ZNF30: variants seen among roughly 807,000 people sequenced by gnomAD.
The protein encoded by ZNF30 is zinc finger protein 30 (KOX 28).
Under a neutral mutation model 13.2 loss-of-function variants are expected in ZNF30, and 15 were observed. The ratio of observed to expected loss-of-function variants is 1.13; its 90% CI spans 0.76 to 1.75. ZNF30 has a LOEUF of 1.75. Among genes scored for constraint, ZNF30 ranks in the 40% most tolerant of loss-of-function variants. The pLI, the probability that ZNF30 is intolerant of heterozygous loss-of-function variation, is 0.00. For synonymous variants in ZNF30, 223 were observed against 256.6 expected (o/e 0.87, Z 1.25); for missense variants, 726 against 757.0 (o/e 0.96, Z 0.48).
intron 2 of ZNF30, 132 bp downstream of exon 2, chr19:34,930,088 G>A: frequency 1.1e-6 from 1 of 898,844 alleles, no homozygotes; most frequent in Non-Finnish European, 1.7e-6. Flanking sequence ...TTGGCGGAAT[G>A]ATGTCAAAGT....
At chr19:34,931,792 G>A (rs371707385) in intron 2 of ZNF30, 51 bp from the exon 3 acceptor site, 38 of 1,576,246 alleles carry the variant, frequency 2.4e-5, no homozygotes, top group East Asian at 6.8e-5. Context: ...ACACTGAAAC[G>A]TTTTATTCCC....
intron 4 of ZNF30, chr19:34,942,701 T>C (rs1460876676): frequency 5.0e-6 from 6 of 1,192,460 alleles, no homozygotes; most frequent in Non-Finnish European, 6.7e-6. Context: ...AACGTCAAGG[T>C]GCTAAAAGGG....
At chr19:34,935,496 A>C (rs2012681782) in intron 4 of ZNF30, among the ~76,000 whole-genome samples, 1 of 151,940 alleles carries the variant, frequency 6.6e-6, no homozygotes, top group African/African-American at 2.4e-5. Context: ...TGCTCTTCTC[A>C]AGTCAGCCTG....
At position 34,943,397 on chromosome 19, in the gene ZNF30, G is replaced by C. The variant is rs1158699469; in HGVS notation, c.431G>C (p.Ser144Thr). 1.2e-6 allele frequency: 2 copies of C among 1,613,862 alleles called. No individual in the cohort carries two copies. The highest frequency in any genetic ancestry group is 2.7e-5 in the African/African-American group (2 of 74,922). The change falls in exon 5 of 5, where the codon AGT (serine) becomes ACT (threonine). Residue 144 changes from serine to threonine, a missense_variant. Coordinates refer to ENST00000601142, the MANE Select transcript of ZNF30 (RefSeq NM_194325.3). ...GTTCAACATGAAAGAATACATAGTA[G>C]TGAAAAACCCAACAGATGTAAAGAA... ...KPVQHERIHS[S>T]EKPNRCKECG...
intron 2 of ZNF30, among the ~76,000 whole-genome samples, chr19:34,931,425 A>G (rs1328351776): frequency 6.6e-6 from 1 of 152,310 alleles, no homozygotes; most frequent in East Asian, 1.9e-4. Context: ...GAGTTATTCA[A>G]CAAATTTGTG....
At chr19:34,934,956 G>A (rs1273985470) in intron 4 of ZNF30, among the ~76,000 whole-genome samples, 2 of 152,112 alleles carry the variant, frequency 1.3e-5, no homozygotes, top group Admixed American at 1.3e-4. Context: ...CAGGCCGGGC[G>A]CGGTGGCTCA....
intron 4 of ZNF30, 47 bp from the exon 5 acceptor site, chr19:34,943,176 T>G: frequency 7.3e-7 from 1 of 1,361,826 alleles, no homozygotes; most frequent in South Asian, 1.8e-5. Context: ...TTCCCTAGAA[T>G]TTTTTTTCAA....
Position 34,943,645 on chromosome 19 carries a change from A to T in ZNF30, c.679A>T (p.Thr227Ser), listed in dbSNP as rs1406335668. 1 of 1,613,786 alleles carries T rather than the reference A, an allele frequency of 6.2e-7. No homozygotes were observed. The highest frequency in any genetic ancestry group is 1.1e-5 in the South Asian group (1 of 91,022). The change falls in exon 5 of 5, where the codon ACT (threonine) becomes TCT (serine). Residue 227 changes from threonine (T) to serine (S), a missense_variant. Transcript: ENST00000601142. ...ACTTACAGTACATAAGAGTATTCAT[A>T]CTGGGAAGAAACCATATGAGTGCGG... is the stretch of plus-strand genomic sequence containing the variant. ...YQLTVHKSIH[T>S]GKKPYECGEC...
At chr19:34,931,039 C>CTTTTTTTTTTTTTTTTTT (rs56153327) in intron 2 of ZNF30, among the ~76,000 whole-genome samples, 1 of 122,526 alleles carries the variant, frequency 8.2e-6, no homozygotes, top group Admixed American at 8.5e-5. Context: ...TTCTTTTTTT[C>CTTTTTTTTTTTTTTTTTT]TTTTTTTTTT....
intron 4 of ZNF30, among the ~76,000 whole-genome samples, chr19:34,942,949 C>A (rs565502412): frequency 6.6e-6 from 1 of 152,158 alleles, no homozygotes; most frequent in South Asian, 2.1e-4. Context: ...TTCAGAGGGG[C>A]GGGATGCTGC....
At chr19:34,925,583 G>C (rs545699729), upstream of ZNF30, among the ~76,000 whole-genome samples, 1 of 152,222 alleles carries the variant, frequency 6.6e-6, no homozygotes, top group East Asian at 1.9e-4. Context: ...TATTTATAGG[G>C]ACAGGATGGG....
chr19:34,939,306 G>A (rs1009181360), intron 4 of ZNF30, among the ~76,000 whole-genome samples: 2 of 151,680 alleles, frequency 1.3e-5, no homozygotes, highest in East Asian at 1.9e-4. Context: ...CTTAGCCTCC[G>A]GAGTAGCTGG....
chr19:34,930,441 A>T (rs778689652), intron 2 of ZNF30, among the ~76,000 whole-genome samples: 3 of 152,190 alleles, frequency 2.0e-5, no homozygotes, highest in African/African-American at 4.8e-5. Context: ...CATTGATATC[A>T]TGGTTCTTCT....
chr19:34,942,626 G>A (rs1390212169), intron 4 of ZNF30: 1 of 1,289,224 alleles, frequency 7.8e-7, no homozygotes, highest in Non-Finnish European at 1.0e-6. Flanking sequence ...AACAAAACAT[G>A]CCAGAAGATT....
Position 34,945,029 on chromosome 19 carries a change from T to G in ZNF30, c.*191T>G. ...TTTATAGGTTTGTAATACCAATATT[T>G]ATACTGGTGGACCATTCAGAAAAAG... On this transcript the variant is annotated 3_prime_UTR_variant, in exon 5 of 5. Coordinates refer to ENST00000601142, the MANE Select transcript of ZNF30 (RefSeq NM_194325.3). 1 of 579,758 alleles carries G rather than the reference T, an allele frequency of 1.7e-6. No individual in the cohort carries two copies. Among genetic ancestry groups the G allele is most frequent in the Non-Finnish European group, 2.8e-6 (1 of 353,502 alleles). 35.9% of individuals were successfully genotyped at this position (579,758 alleles called of 1,614,324 possible). A position where few individuals can be genotyped will look rare whatever the true frequency, so the allele number is the denominator to read the frequency against.
rs748684426 is a variant in ZNF30 at position 34,944,823 on chromosome 19, G to A, written c.1857G>A (p.Met619Ile). ...TTAAAGTGCATCTGAGAAAACATAT[G>A]AGTGTTATACCCTAAGAGTCTGAGG... ...SALKVHLRKH[M>I]SVIP is the part of the protein sequence containing the mutation. The change falls in exon 5 of 5, where the codon ATG becomes ATA. Residue 619 changes from methionine to isoleucine, a missense_variant. Physicochemically the swap from Met to Ile is conservative, Grantham distance 10. Transcript: ENST00000601142. The A allele has an allele frequency of 1.2e-6, 2 of 1,601,584 alleles. No individual in the cohort carries two copies. The highest frequency in any genetic ancestry group is 3.4e-5 in the Admixed American group (2 of 59,528).
chr19:34,941,293 C>G (rs1392140254), intron 4 of ZNF30, among the ~76,000 whole-genome samples: 7 of 152,188 alleles, frequency 4.6e-5, no homozygotes. Flanking sequence ...GAGATGGAGT[C>G]TCACTCTGTT....
intron 1 of ZNF30, 119 bp downstream of exon 1, chr19:34,927,335 A>T (rs983327567): frequency 6.8e-6 from 2 of 292,436 alleles, no homozygotes; most frequent in African/African-American, 4.3e-5. Flanking sequence ...CATGGCCTCC[A>T]TGCGAACCTG....
intron 1 of ZNF30, among the ~76,000 whole-genome samples, chr19:34,928,223 AT>A (rs1568533906): frequency 0.035 from 1,768 of 51,000 alleles, 13 homozygotes; most frequent in South Asian, 0.072. Context: ...AAAAAAAAAT[AT>A]ATATATATAT....
Sources: gnomAD v4.1 joint callset for allele counts (sites outside exome capture counted in the v4.1 genomes callset) on GRCh38, gnomAD v4.1.1 for gene constraint, MANE v1.5 for transcripts, NCBI Gene and HGNC (gene_info 2026-07-23, HGNC 2026-07-21) for gene names.